REPIN1: variants seen among roughly 807,000 people sequenced by gnomAD.
The protein encoded by REPIN1 is replication initiator 1.
Under a neutral mutation model 5.7 loss-of-function variants are expected in REPIN1, and 4 were observed. The observed-to-expected ratio is 0.71, with a 90% CI of 0.35 to 1.62. REPIN1 has a LOEUF of 1.62. REPIN1 is among the 40% of genes most tolerant of loss of function. The pLI, the probability that REPIN1 is intolerant of heterozygous loss-of-function variation, is 0.05. For synonymous variants in REPIN1, 410 were observed against 386.2 expected (o/e 1.06, Z -0.72); for missense variants, 854 against 901.0 (o/e 0.95, Z 0.67).
At position 150,371,775 on chromosome 7, in the gene REPIN1, A is replaced by C; in HGVS notation, c.705A>C (p.Ile235=). The C allele has an allele frequency of 6.2e-7, 1 of 1,611,626 alleles. No individual in the cohort carries two copies. ...CCGCCCCGGAGGCCCGGCCCTTCAT[A>C]TGCGGCAACTGTGGCCGGAGCTTTG... ...HPPAPEARPF[I]CGNCGRSFAQ... Residue 235 remains isoleucine, a synonymous_variant, in exon 3 of 3, where the codon ATA becomes ATC. Transcript: ENST00000489432.
rs1419629220 is a variant in REPIN1 at position 150,368,865 on chromosome 7, G to A, written c.-118G>A. On this transcript the variant is annotated 5_prime_UTR_variant, in exon 1 of 3. Transcript: ENST00000489432. The stretch of plus-strand genomic sequence containing the variant: ...GCCGCTGTCGCCGCGGCGGGGCGGG[G>A]AGCGAGAGTGGGCCGCGGAGGCCGG... 2.9e-6 allele frequency: 1 copy of A among 339,084 alleles called. No homozygotes were observed. Among genetic ancestry groups the A allele is most frequent in the Non-Finnish European group, 5.3e-6 (1 of 189,540 alleles). The allele number at this position is 339,084 out of a possible 1,614,324, so 21.0% of individuals were successfully genotyped here.
intron 2 of REPIN1, chr7:150,370,962 T>C: frequency 1.5e-6 from 1 of 656,164 alleles, no homozygotes; most frequent in South Asian, 1.7e-5. Flanking sequence ...GTAGCTGCCA[T>C]GAGGGGGATT....
rs1346977183 is a variant in REPIN1, at chr7:150,373,263, G to C, written c.*318G>C. 1.7e-5 allele frequency: 7 copies of C among 407,250 alleles called. No individual in the cohort carries two copies. Among genetic ancestry groups the C allele is most frequent in the Admixed American group, 1.3e-4 (3 of 23,810 alleles). The allele number at this position is 407,250 out of a possible 1,614,324, so 25.2% of individuals were successfully genotyped here. ...AGCCCTCTGGCTAGAGGAGCCACCAGTGGAAAGGAAGACCCTCCATCCTCT... is the reference window on the plus strand; with the variant it reads ...AGCCCTCTGGCTAGAGGAGCCACCACTGGAAAGGAAGACCCTCCATCCTCT... On this transcript the variant is annotated 3_prime_UTR_variant, in exon 3 of 3. Coordinates refer to ENST00000489432, the MANE Select transcript of REPIN1 (RefSeq NM_001099695.2).
chr7:150,372,224 G>T lies in REPIN1; in HGVS notation c.1154G>T (p.Gly385Val). 6.4e-7 allele frequency: 1 copy of T among 1,566,360 alleles called. No homozygotes were observed. The highest frequency in any genetic ancestry group is 2.3e-5 in the East Asian group (1 of 42,922). Residue 385 changes from glycine (G) to valine (V), a missense_variant, in exon 3 of 3, where the codon GGG becomes GTG. Around this residue, in one of 5 missense-constraint regions of REPIN1, gnomAD observed 327 missense variants for 307.8 expected, o/e 1.06. Transcript: ENST00000489432. The stretch of plus-strand genomic sequence containing the variant: ...TCGGCCCAGGCCGCCCCCGGCCCGG[G>T]GAGCCCCCAGCTGCCAGCCGGCCCC... ...EGSAQAAPGP[G>V]SPQLPAGPQE...
At position 150,369,710 on chromosome 7, in the gene REPIN1, C is replaced by T. The variant is rs371584377; in HGVS notation, c.-2C>T. 10 of 1,613,778 alleles carry T rather than the reference C, an allele frequency of 6.2e-6. No individual in the cohort carries two copies. In the African/African-American group the frequency reaches 8.0e-5, roughly 13 times the overall value. ...TCTGCAGTCAGAGGTCTGAGCTCTG[C>T]CATGGGGATAGGGGTGTCTTTATTA... On this transcript the variant is annotated 5_prime_UTR_variant, in exon 2 of 3. Coordinates refer to ENST00000489432, the MANE Select transcript of REPIN1 (RefSeq NM_001099695.2).
Position 150,372,795 on chromosome 7 carries a change from C to G in REPIN1, c.1725C>G (p.Pro575=), listed in dbSNP as rs200754962. The part of the protein sequence containing the change: ...IHTGERPYAC[P]DCDRSFSQKS... Reference sequence around the variant, plus strand: ...CGGGCGAGCGGCCCTACGCCTGTCCCGACTGCGACCGCAGCTTCAGCCAGA... The same window carrying G: ...CGGGCGAGCGGCCCTACGCCTGTCCGGACTGCGACCGCAGCTTCAGCCAGA... Residue 575 remains proline, a synonymous_variant, in exon 3 of 3, where the codon CCC becomes CCG. Coordinates refer to ENST00000489432, the MANE Select transcript of REPIN1 (RefSeq NM_001099695.2). The G allele has an allele frequency of 1.9e-6, 3 of 1,612,174 alleles. No individual in the cohort carries two copies. In the South Asian group the frequency reaches 3.3e-5, roughly 18 times the overall value.
intron 2 of REPIN1, 49 bp from the exon 3 acceptor site, chr7:150,371,179 G>A: frequency 6.7e-7 from 1 of 1,497,858 alleles, no homozygotes; most frequent in South Asian, 1.4e-5. Flanking sequence ...GGGAGAAACA[G>A]GGGCAGAGTG....
rs747311949 is a variant in REPIN1, at chr7:150,371,597, A to G, written c.527A>G (p.His176Arg). The G allele has an allele frequency of 2.5e-6, 4 of 1,604,600 alleles. No individual in the cohort carries two copies. In the South Asian group the frequency reaches 4.4e-5, roughly 18 times the overall value. ...ACCCCAGACCTGGGCTTTGCCTGCC[A>G]CCTCTGTGGGCAGAGCTTCCGAGGC... ...AATPDLGFAC[H>R]LCGQSFRGWV... The change falls in exon 3 of 3, where the codon CAC (histidine) becomes CGC (arginine). Residue 176 changes from histidine (H) to arginine (R), a missense_variant. His to Arg is a conservative substitution (Grantham distance 29). Transcript: ENST00000489432.
At chr7:150,370,476 G>A in intron 2 of REPIN1, 1 of 453,992 alleles carries the variant, frequency 2.2e-6, no homozygotes, top group South Asian at 2.2e-5. Flanking sequence ...CCAGGGCTCT[G>A]CTCCTGTTCC....
chr7:150,372,030 C>T lies in REPIN1; in HGVS notation c.960C>T (p.Pro320=), dbSNP rs774308636. ...AHRRVHTGER[P]HQCPECGKRF... is the part of the protein sequence containing the mutation. ...GCCGCGTGCACACGGGCGAGCGGCC[C>T]CACCAGTGCCCCGAGTGCGGGAAGC... is the stretch of plus-strand genomic sequence containing the variant. Residue 320 remains proline (P), a synonymous_variant, in exon 3 of 3, where the codon CCC becomes CCT. Coordinates refer to ENST00000489432, the MANE Select transcript of REPIN1 (RefSeq NM_001099695.2). 4 of 1,612,210 alleles carry T rather than the reference C, an allele frequency of 2.5e-6. No individual in the cohort carries two copies. The highest frequency in any genetic ancestry group is 2.5e-6 in the Non-Finnish European group (3 of 1,179,702).
Position 150,372,190 on chromosome 7 carries a change from T to A in REPIN1, c.1120T>A (p.Ser374Thr). ...LLSHSKIHKR[S>T]EGSAQAAPGP... ...GTCTCACAGCAAGATTCACAAGCGA[T>A]CCGAGGGGTCGGCCCAGGCCGCCCC... Residue 374 changes from serine (S) to threonine (T), a missense_variant, in exon 3 of 3, where the codon TCC (serine) becomes ACC (threonine). Ser to Thr is a moderately conservative substitution (Grantham distance 58). This residue lies in a region of REPIN1 where 327 missense variants were observed against 307.8 expected (regional missense o/e 1.06). Transcript: ENST00000489432. 1 of 1,600,174 alleles carries A rather than the reference T, an allele frequency of 6.2e-7. No individual in the cohort carries two copies. Among genetic ancestry groups the A allele is most frequent in the Non-Finnish European group, 8.5e-7 (1 of 1,176,298 alleles).
At chr7:150,370,495 G>T (rs917533743) in intron 2 of REPIN1, 6 of 493,316 alleles carry the variant, frequency 1.2e-5, no homozygotes, top group East Asian at 3.8e-5. Context: ...CCCCGAGAAG[G>T]GCTGTTCTCA....
intron 1 of REPIN1, chr7:150,369,419 T>C: frequency 2.1e-6 from 1 of 477,912 alleles, no homozygotes; most frequent in African/African-American, 1.9e-5. Context: ...GGCCACAGAA[T>C]GGAGAATTCG....
At chr7:150,368,360 C>T (rs1224317531), upstream of REPIN1, 1 of 152,138 alleles carries the variant, frequency 6.6e-6, no homozygotes, top group Non-Finnish European at 1.5e-5. Context: ...CCGCAAGCGT[C>T]CGCACTGCGG....
chr7:150,369,299 A>C, intron 1 of REPIN1: 1 of 420,906 alleles, frequency 2.4e-6, no homozygotes. Flanking sequence ...CCCCATGGGA[A>C]ATAGGCCTGG....
Position 150,368,834 on chromosome 7 carries a change from G to T in REPIN1, c.-149G>T, listed in dbSNP as rs1192745954. ...GGACGGGCCTGGCAGTTGTGAACTC[G>T]AACCTGCCGCTGTCGCCGCGGCGGG... is the stretch of plus-strand genomic sequence containing the variant. On this transcript the variant is annotated 5_prime_UTR_variant, in exon 1 of 3. Transcript: ENST00000489432. 6.3e-6 allele frequency: 2 copies of T among 319,784 alleles called. No homozygotes were observed. Among genetic ancestry groups the T allele is most frequent in the East Asian group, 5.4e-5 (1 of 18,592 alleles). The allele number at this position is 319,784 out of a possible 1,614,324, so 19.8% of individuals were successfully genotyped here.
In REPIN1 at chr7:150,372,703, G is replaced by A; in HGVS notation, c.1633G>A (p.Val545Ile). Residue 545 changes from valine (V) to isoleucine (I), a missense_variant, in exon 3 of 3, where the codon GTC (valine) becomes ATC (isoleucine). Physicochemically the swap from Val to Ile is conservative, Grantham distance 29. Around this residue, in one of 5 missense-constraint regions of REPIN1, gnomAD observed 101 missense variants for 124.7 expected, o/e 0.81. Coordinates refer to ENST00000489432, the MANE Select transcript of REPIN1 (RefSeq NM_001099695.2). ...CATCCACACCGGCGAGAAGCCCTAC[G>A]TCTGCCCCGACTGCGGCAAAGCCTT... is the stretch of plus-strand genomic sequence containing the variant. Reference protein sequence around the residue: ...RRIHTGEKPYVCPDCGKAFSQ... With the variant: ...RRIHTGEKPYICPDCGKAFSQ... 2.5e-6 allele frequency: 4 copies of A among 1,612,478 alleles called. No homozygotes were observed. The highest frequency in any genetic ancestry group is 3.4e-6 in the Non-Finnish European group (4 of 1,179,820).
Position 150,372,039 on chromosome 7 carries a change from CCCCGAGTGCGGGAAG to C in REPIN1, c.971_985del (p.Pro324_Lys328del), listed in dbSNP as rs772907772. 5 of 1,612,164 alleles carry C rather than the reference CCCCGAGTGCGGGAAG, an allele frequency of 3.1e-6. No homozygotes were observed. The African/African-American group carries it at 6.7e-5, about 22-fold the overall frequency. ...ACACGGGCGAGCGGCCCCACCAGTG[CCCCGAGTGCGGGAAG>C]CGCTTTACCAATAAGCCCTATCTGA... On this transcript the variant is annotated inframe_deletion, in exon 3 of 3. Coordinates refer to ENST00000489432, the MANE Select transcript of REPIN1 (RefSeq NM_001099695.2).
intron 1 of REPIN1, among the ~76,000 whole-genome samples, chr7:150,369,216 G>A (rs900173268): frequency 8.5e-5 from 13 of 152,268 alleles, no homozygotes; most frequent in Non-Finnish European, 1.8e-4. Context: ...TGGGGCTTCT[G>A]CCACCCGCGG....
Sources: gnomAD v4.1 joint callset for allele counts (sites outside exome capture counted in the v4.1 genomes callset) on GRCh38, gnomAD v4.1.1 for gene constraint, gnomAD v4.1.1 regional missense constraint, MANE v1.5 for transcripts, NCBI Gene and HGNC (gene_info 2026-07-23, HGNC 2026-07-21) for gene names.